The following ADK variants were observed in gnomAD, a reference collection of about 807,000 sequenced individuals.
ADK encodes N6,N6-dimethyladenosine kinase.
Under a neutral mutation model 44.7 loss-of-function variants are expected in ADK, and 24 were observed. The ratio of observed to expected loss-of-function variants is 0.54; its 90% CI spans 0.39 to 0.76. The LOEUF (loss-of-function observed/expected upper bound fraction) is 0.76. Ranked by LOEUF, ADK falls within the 30% of genes least tolerant of loss-of-function variation. The pLI is 0.00. For missense variants in ADK, 321 were observed against 425.1 expected, an observed-to-expected ratio of 0.76 and a Z score of 2.15; for synonymous variants, 128 against 142.6, an observed-to-expected ratio of 0.90 and a Z score of 0.73.
At chr10:74,166,191 C>A (rs933088608) in intron 1 of ADK, among the ~76,000 whole-genome samples, 1 of 152,226 alleles carries the variant, frequency 6.6e-6, no homozygotes, top group Non-Finnish European at 1.5e-5. Context: ...CTGCCCGCCT[C>A]GGCCTCCCAA....
rs60178427 is a variant in ADK, at chr10:74,488,374, C to CGTGTGTGT, written c.556-36857_556-36850dup. Among the ~76,000 whole-genome samples, 505 of 140,860 alleles carry CGTGTGTGT rather than the reference C, an allele frequency of 3.6e-3. 4 individuals are homozygous for CGTGTGTGT. The highest frequency in any genetic ancestry group is 0.012 in the African/African-American group (450 of 38,492). 92.4% of individuals were successfully genotyped at this position (140,860 alleles called of 152,430 possible). On this transcript the variant is annotated intron_variant, in intron 6 of 10. Coordinates refer to ENST00000539909, the MANE Select transcript of ADK (RefSeq NM_006721.4). The stretch of plus-strand genomic sequence containing the variant: ...TCCAGTGGTTTGAGGGGAAAAAAGA[C>CGTGTGTGT]GTGTGTGTGTGTGTGTGTGTGTGTG...
At chr10:74,439,177 C>T (rs1474407999) in intron 6 of ADK, among the ~76,000 whole-genome samples, 7 of 152,208 alleles carry the variant, frequency 4.6e-5, no homozygotes, top group African/African-American at 1.4e-4. Context: ...TTTATAGCAA[C>T]TGTCTGATAT....
chr10:74,648,037 G>T (rs1274143349), intron 9 of ADK, among the ~76,000 whole-genome samples: 1 of 152,074 alleles, frequency 6.6e-6, no homozygotes, highest in Non-Finnish European at 1.5e-5. Flanking sequence ...ATTGTGAATT[G>T]TGGAGAATCT....
At chr10:74,261,851 T>C (rs999445005) in intron 3 of ADK, among the ~76,000 whole-genome samples, 24 of 152,072 alleles carry the variant, frequency 1.6e-4, no homozygotes, top group Non-Finnish European at 3.1e-4. Flanking sequence ...CTTTTTTTTT[T>C]CATTGTTCTG....
chr10:74,197,357 C>G (rs2132138813), intron 1 of ADK, among the ~76,000 whole-genome samples: 1 of 152,156 alleles, frequency 6.6e-6, no homozygotes, highest in Non-Finnish European at 1.5e-5. Context: ...CATTTAGGCC[C>G]AGAGATGGTA....
At chr10:74,566,658 A>T (rs1850679005) in intron 7 of ADK, among the ~76,000 whole-genome samples, 1 of 152,194 alleles carries the variant, frequency 6.6e-6, no homozygotes, top group South Asian at 2.1e-4. Context: ...CTTCAACATG[A>T]TTATTAAATG....
intron 5 of ADK, among the ~76,000 whole-genome samples, chr10:74,395,400 C>CA (rs1479136514): frequency 1.3e-5 from 2 of 151,952 alleles, no homozygotes; most frequent in Non-Finnish European, 1.5e-5. Context: ...ACTAAATAAC[C>CA]AAAATACAAT....
At chr10:74,693,184 C>T (rs1024236121) in intron 10 of ADK, among the ~76,000 whole-genome samples, 1 of 152,110 alleles carries the variant, frequency 6.6e-6, no homozygotes, top group Non-Finnish European at 1.5e-5. Context: ...AATGGCTCAT[C>T]GATTGTAACA....
At chr10:74,522,123 C>T (rs1214157703) in intron 6 of ADK, among the ~76,000 whole-genome samples, 3 of 152,114 alleles carry the variant, frequency 2.0e-5, no homozygotes, top group African/African-American at 4.8e-5. Context: ...ATTTATTTAA[C>T]AAAGTTTTAC....
At chr10:74,508,459 A>G (rs1273858091) in intron 6 of ADK, 1 of 152,220 alleles carries the variant, frequency 6.6e-6, no homozygotes, top group East Asian at 1.9e-4. Context: ...TATGGAATGC[A>G]TACTATAGGC....
chr10:74,475,110 C>A (rs766694514), intron 6 of ADK, among the ~76,000 whole-genome samples: 4 of 151,364 alleles, frequency 2.6e-5, no homozygotes, highest in Non-Finnish European at 5.9e-5. Context: ...GACAACAGAG[C>A]AAGACTCCAT....
chr10:74,151,441 A>G (rs1157034755), intron 1 of ADK, 98 bp downstream of exon 1: 175 of 1,343,294 alleles, frequency 1.3e-4, no homozygotes, highest in Non-Finnish European at 1.7e-4. Flanking sequence ...GGTGTCTCTC[A>G]CTGCCAGCTT....
chr10:74,154,871 C>T (rs1487363640), intron 1 of ADK, among the ~76,000 whole-genome samples: 3 of 152,172 alleles, frequency 2.0e-5, no homozygotes, highest in African/African-American at 7.2e-5. Context: ...AGTCTCTTTA[C>T]CTTCAGCCTC....
At chr10:74,583,209 G>T (rs1851427604) in intron 7 of ADK, among the ~76,000 whole-genome samples, 1 of 152,164 alleles carries the variant, frequency 6.6e-6, no homozygotes, top group Admixed American at 6.5e-5. Context: ...ACAGTGGATA[G>T]TTCTTTATTG....
At chr10:74,246,106 GGCCTCTTGT>G (rs1845405096) in intron 3 of ADK, among the ~76,000 whole-genome samples, 1 of 151,970 alleles carries the variant, frequency 6.6e-6, no homozygotes, top group African/African-American at 2.4e-5. Flanking sequence ...GTGATTCAAG[GGCCTCTTGT>G]GGGAGGGGGG....
chr10:74,339,912 T>G (rs141817788), intron 4 of ADK, among the ~76,000 whole-genome samples: 1 of 152,288 alleles, frequency 6.6e-6, no homozygotes, highest in Admixed American at 6.5e-5. Context: ...TTTATTAAAG[T>G]GGAGGTTTCT....
chr10:74,213,970 A>T lies in ADK; in HGVS notation c.141-10568A>T, dbSNP rs570088080. ...GTCATTTTGAACAATTATCAGTAAA[A>T]TTTTTAAAATAAAAAGCATAAGAAA... On this transcript the variant is annotated intron_variant, in intron 2 of 10. Coordinates refer to ENST00000539909, the MANE Select transcript of ADK (RefSeq NM_006721.4). 1.4e-4 allele frequency among the ~76,000 whole-genome samples: 21 copies of T among 152,352 alleles called. No homozygotes were observed. In the East Asian group the frequency reaches 3.5e-3, roughly 25 times the overall value.
At chr10:74,283,505 T>C (rs1847027757) in intron 3 of ADK, among the ~76,000 whole-genome samples, 1 of 148,312 alleles carries the variant, frequency 6.7e-6, no homozygotes, top group Non-Finnish European at 1.5e-5. Flanking sequence ...AATTAACTTA[T>C]TTTGTCATAC....
At chr10:74,475,236 AACTGTGTCACTTTT>A (rs1846783994) in intron 6 of ADK, among the ~76,000 whole-genome samples, 2 of 152,122 alleles carry the variant, frequency 1.3e-5, no homozygotes, top group Non-Finnish European at 2.9e-5. Flanking sequence ...TATAATCTAA[AACTGTGTCACTTTT>A]ACTACTCAAA....
Sources: gnomAD v4.1 joint callset for allele counts (sites outside exome capture counted in the v4.1 genomes callset) on GRCh38, gnomAD v4.1.1 for gene constraint, MANE v1.5 for transcripts, NCBI Gene and HGNC (gene_info 2026-07-23, HGNC 2026-07-21) for gene names.